The following MTX3 variants were observed in gnomAD, a reference collection of about 807,000 sequenced individuals.
MTX3 encodes metaxin-3.
MTX3 carries 27 observed loss-of-function variants against 42.5 expected under a neutral mutation model. That is an observed-to-expected ratio of 0.64 (90% CI 0.47 to 0.88). The LOEUF (loss-of-function observed/expected upper bound fraction) is 0.88, where lower values mean the gene tolerates loss of function less well. Among genes scored for constraint, MTX3 ranks in the 40% least tolerant of loss-of-function variants. MTX3 has a pLI of 0.00. For missense variants in MTX3, 378 were observed against 367.0 expected, an observed-to-expected ratio of 1.03 and a Z score of -0.25; for synonymous variants, 144 against 132.9, an observed-to-expected ratio of 1.08 and a Z score of -0.57.
At chr5:79,991,001 G>A (rs1223481006) in intron 1 of MTX3, 157 bp downstream of exon 1, 2 of 826,646 alleles carry the variant, frequency 2.4e-6, no homozygotes, top group Non-Finnish European at 4.1e-6. Context: ...TATCGGCCAG[G>A]TTGGGACTCG....
At chr5:79,990,380 A>T (rs189041357) in intron 2 of MTX3, 144 bp from the exon 3 acceptor site, 2 of 716,446 alleles carry the variant, frequency 2.8e-6, no homozygotes, top group Admixed American at 3.3e-5. Flanking sequence ...TTTCACAAAG[A>T]GCGGTTCTAA....
intron 4 of MTX3, 101 bp downstream of exon 4, chr5:79,989,051 A>G: frequency 1.3e-6 from 1 of 774,766 alleles, no homozygotes. Context: ...ACATATAAGT[A>G]AAATTTTCTC....
chr5:79,986,730 C>A, intron 7 of MTX3: 1 of 577,736 alleles, frequency 1.7e-6, no homozygotes, highest in South Asian at 1.8e-5. Context: ...ACGTAAAAAT[C>A]CAGCGGAATA....
At chr5:79,990,055 C>T in intron 3 of MTX3, 105 bp downstream of exon 3, 3 of 573,240 alleles carry the variant, frequency 5.2e-6, no homozygotes, top group Non-Finnish European at 8.9e-6. Context: ...CCAGGTATCT[C>T]CAATTGTCTA....
At position 79,976,953 on chromosome 5, in the gene MTX3, GT is replaced by G. The variant is rs751455604; in HGVS notation, c.*6730del. ...TTTACTTTATAAAGAAGCTAGAGTA[GT>G]TGTGCAACTAGAACAGATGTTTTTA... is the stretch of plus-strand genomic sequence containing the variant. On this transcript the variant is annotated 3_prime_UTR_variant, in exon 9 of 9. Transcript: ENST00000512528. 1.3e-5 allele frequency: 2 copies of G among 152,452 alleles called. No homozygotes were observed. The highest frequency in any genetic ancestry group is 2.9e-5 in the Non-Finnish European group (2 of 68,020). 9.4% of individuals were successfully genotyped at this position (152,452 alleles called of 1,614,324 possible).
At position 79,979,001 on chromosome 5, in the gene MTX3, C is replaced by T; in HGVS notation, c.*4683G>A. 6.5e-6 allele frequency: 1 copy of T among 152,710 alleles called. No homozygotes were observed. 9.5% of individuals were successfully genotyped at this position (152,710 alleles called of 1,614,324 possible). A position where few individuals can be genotyped will look rare whatever the true frequency, so the allele number is the denominator to read the frequency against. ...TCAACTCGAGTTACCCTTTCTGATA[C>T]CTTTGTTCAAGAATGTTAATTCTTA... On this transcript the variant is annotated 3_prime_UTR_variant, in exon 9 of 9. Transcript: ENST00000512528.
intron 8 of MTX3, among the ~76,000 whole-genome samples, chr5:79,984,524 A>G (rs1337133202): frequency 6.6e-6 from 1 of 152,168 alleles, no homozygotes; most frequent in Non-Finnish European, 1.5e-5. Flanking sequence ...CATCAAGCTC[A>G]AATAACACAG....
intron 6 of MTX3, among the ~76,000 whole-genome samples, chr5:79,987,637 T>A (rs905850086): frequency 4.6e-5 from 7 of 152,084 alleles, no homozygotes; most frequent in African/African-American, 1.7e-4. Context: ...TAGCTTAGAC[T>A]CTAGGAGAAA....
At position 79,982,863 on chromosome 5, in the gene MTX3, C is replaced by T. The variant is rs1049379246; in HGVS notation, c.*821G>A. ...GTGGGCAATTTCAGTAAGAATTTTA[C>T]AGCCTAGCATAGTAACGATAACCAG... On this transcript the variant is annotated 3_prime_UTR_variant, in exon 9 of 9. Coordinates refer to ENST00000512528, the MANE Select transcript of MTX3 (RefSeq NM_001363818.2). 4.3e-5 allele frequency: 7 copies of T among 160,940 alleles called. No individual in the cohort carries two copies. Among genetic ancestry groups the T allele is most frequent in the African/African-American group, 1.7e-4 (7 of 41,640 alleles). The allele number at this position is 160,940 out of a possible 1,614,324, so 10.0% of individuals were successfully genotyped here.
intron 7 of MTX3, chr5:79,986,741 G>C: frequency 1.7e-6 from 1 of 592,250 alleles, no homozygotes; most frequent in Non-Finnish European, 3.0e-6. Flanking sequence ...CAGCGGAATA[G>C]ATAAAAGGCA....
At chr5:79,991,074 C>A in intron 1 of MTX3, 84 bp downstream of exon 1, 1 of 1,353,504 alleles carries the variant, frequency 7.4e-7, no homozygotes, top group African/African-American at 1.4e-5. Flanking sequence ...GACCCCGCAG[C>A]GCAGCGGGAA....
In MTX3 at chr5:79,988,583, GA is replaced by G; in HGVS notation, c.382del (p.Ser128HisfsTer7). On this transcript the variant is annotated frameshift_variant, in exon 5 of 9. Transcript: ENST00000512528. LOFTEE classifies it high-confidence loss of function. ...CAAACTCAAAGGAAAAGGAATTTGT[GA>G]AGCAAACCATGGCTTTGTCACAGTA... ...YFTVTKPWFASQIPFPLSLIL... is the reference protein window; with the variant it reads ...YFTVTKPWFAXQIPFPLSLIL... The G allele has an allele frequency of 6.2e-7, 1 of 1,606,266 alleles. No individual in the cohort carries two copies. Among genetic ancestry groups the G allele is most frequent in the Non-Finnish European group, 8.5e-7 (1 of 1,176,134 alleles).
chr5:79,990,553 A>T, intron 2 of MTX3, 41 bp downstream of exon 2: 1 of 1,302,280 alleles, frequency 7.7e-7, no homozygotes, highest in Non-Finnish European at 1.1e-6. Context: ...AAGAAGAAAA[A>T]AAAGAGTGCA....
intron 6 of MTX3, 75 bp from the exon 7 acceptor site, chr5:79,987,182 G>A (rs1473142726): frequency 1.5e-6 from 2 of 1,351,328 alleles, no homozygotes; most frequent in Non-Finnish European, 1.0e-6. Flanking sequence ...GCTCATGCCT[G>A]TAATCCCAGT....
At position 79,989,223 on chromosome 5, in the gene MTX3, G is replaced by A. The variant is rs776267529; in HGVS notation, c.250C>T (p.Leu84Phe). ...RKQKYNADYELSAKQGADTLA... is the reference protein window; with the variant it reads ...RKQKYNADYEFSAKQGADTLA... Reference sequence around the variant, plus strand: ...GTATCTGCCCCTTGTTTTGCTGAGAGTTCATAATCAGCATTATATTTCTAT... The same window carrying A: ...GTATCTGCCCCTTGTTTTGCTGAGAATTCATAATCAGCATTATATTTCTAT... The change falls in exon 4 of 9, where the codon CTC (leucine) becomes TTC (phenylalanine). Residue 84 changes from leucine (L) to phenylalanine (F), a missense_variant. By Grantham distance (22) the Leu-to-Phe change is conservative. Transcript: ENST00000512528. 1.9e-6 allele frequency: 3 copies of A among 1,599,918 alleles called. No individual in the cohort carries two copies. In the African/African-American group the frequency reaches 4.0e-5, roughly 22 times the overall value.
chr5:79,986,736 G>GA, intron 7 of MTX3: 1 of 586,182 alleles, frequency 1.7e-6, no homozygotes, highest in South Asian at 1.8e-5. Flanking sequence ...AAATCCAGCG[G>GA]AATAGATAAA....
In MTX3 at chr5:79,978,640, G is replaced by T. The variant is rs988238580; in HGVS notation, c.*5044C>A. On this transcript the variant is annotated 3_prime_UTR_variant, in exon 9 of 9. Coordinates refer to ENST00000512528, the MANE Select transcript of MTX3 (RefSeq NM_001363818.2). The stretch of plus-strand genomic sequence containing the variant: ...TATTAAAATAAATTAGGGAAATGAT[G>T]TATAAAATAGAGGTGCTTCTTGGAG... 13 of 152,150 alleles carry T rather than the reference G, an allele frequency of 8.5e-5. No individual in the cohort carries two copies. Among genetic ancestry groups the T allele is most frequent in the Admixed American group, 7.9e-4 (12 of 15,268 alleles). 9.4% of individuals were successfully genotyped at this position (152,150 alleles called of 1,614,324 possible).
Position 79,989,249 on chromosome 5 carries a change from T to TAA in MTX3, c.229-7_229-6dup. On this transcript the variant is annotated splice_polypyrimidine_tract_variant and splice_region_variant and intron_variant, in intron 3 of 8. Transcript: ENST00000512528. ...TTCATAATCAGCATTATATTTCTATTAAAAAAAAATAAACCAAAGAAACTC... is the reference window on the plus strand; with the variant it reads ...TTCATAATCAGCATTATATTTCTATTAAAAAAAAAAATAAACCAAAGAAACTC... 2 of 1,519,876 alleles carry TAA rather than the reference T, an allele frequency of 1.3e-6. No homozygotes were observed. The highest frequency in any genetic ancestry group is 1.2e-5 in the South Asian group (1 of 80,484). 94.1% of individuals were successfully genotyped at this position (1,519,876 alleles called of 1,614,324 possible). A position where few individuals can be genotyped will look rare whatever the true frequency, so the allele number is the denominator to read the frequency against.
intron 8 of MTX3, 115 bp from the exon 9 acceptor site, chr5:79,983,909 C>T: frequency 3.2e-6 from 2 of 621,408 alleles, no homozygotes; most frequent in South Asian, 4.6e-5. Flanking sequence ...GTTTCCTGGG[C>T]TGCTAGAGAA....
Sources: gnomAD v4.1 joint callset for allele counts (sites outside exome capture counted in the v4.1 genomes callset) on GRCh38, gnomAD v4.1.1 for gene constraint, MANE v1.5 for transcripts, NCBI Gene and HGNC (gene_info 2026-07-23, HGNC 2026-07-21) for gene names.